Variants in EFTUD2 observed in about 807,000 individuals in gnomAD.
EFTUD2 encodes the protein 116 kDa U5 small nuclear ribonucleoprotein component.
Under a neutral mutation model 114.3 loss-of-function variants are expected in EFTUD2, and 9 were observed. The ratio of observed to expected loss-of-function variants is 0.08; its 90% CI spans 0.05 to 0.14. The LOEUF is 0.14. EFTUD2 is among the 10% of genes least tolerant of loss of function. EFTUD2 has a pLI of 1.00. For missense variants in EFTUD2, 765 were observed against 1,241.2 expected (o/e 0.62, Z 5.76); for synonymous variants, 449 against 462.3 (o/e 0.97, Z 0.37).
Position 44,854,108 on chromosome 17 carries a change from A to G in EFTUD2, c.2347+161T>C. 7.0e-7 allele frequency: 1 copy of G among 1,431,508 alleles called. No individual in the cohort carries two copies. Among genetic ancestry groups the G allele is most frequent in the East Asian group, 2.4e-5 (1 of 41,666 alleles). 88.7% of individuals were successfully genotyped at this position (1,431,508 alleles called of 1,614,324 possible). On this transcript the variant is annotated intron_variant, in intron 23 of 27. Coordinates refer to ENST00000426333, the MANE Select transcript of EFTUD2 (RefSeq NM_004247.4). The surrounding 1 kb of genome is among the most constrained non-coding windows in gnomAD (Gnocchi z 4.3). ...CATTTCCAGGCTACACCACCAGGAT[A>G]AGGAAGGAAAAGGGAAGAAGCTGGC...
At chr17:44,855,558 C>T (rs1474110691) in intron 20 of EFTUD2, among the ~76,000 whole-genome samples, 2 of 150,414 alleles carry the variant, frequency 1.3e-5, no homozygotes, top group African/African-American at 4.9e-5. Context: ...CCGTGCAAGA[C>T]TCTGTCTCAA....
Position 44,859,117 on chromosome 17 carries a change from T to C in EFTUD2, c.1925A>G (p.His642Arg). 1 of 1,614,054 alleles carries C rather than the reference T, an allele frequency of 6.2e-7. No homozygotes were observed. Among genetic ancestry groups the C allele is most frequent in the Non-Finnish European group, 8.5e-7 (1 of 1,179,924 alleles). Residue 642 changes from histidine to arginine, a missense_variant, in exon 19 of 28, where the codon CAT becomes CGT. By Grantham distance (29) the His-to-Arg change is conservative. Coordinates refer to ENST00000426333, the MANE Select transcript of EFTUD2 (RefSeq NM_004247.4). The stretch of plus-strand genomic sequence containing the variant: ...CTCTGAGTACATCTTCCGCAAATCA[T>C]GCATCACACAGTCCAGGTAGAGCTC... The part of the protein sequence containing the change: ...TGELYLDCVM[H>R]DLRKMYSEID...
chr17:44,861,512 T>C (rs2050659692), intron 16 of EFTUD2, among the ~76,000 whole-genome samples: 2 of 149,920 alleles, frequency 1.3e-5, no homozygotes, highest in Admixed American at 1.3e-4. Context: ...GGCAGGTGGA[T>C]CATGAGGTCA....
rs2050776693 is a variant in EFTUD2, at chr17:44,867,794, C to T, written c.1149+13G>A. The T allele has an allele frequency of 6.4e-7, 1 of 1,565,960 alleles. No individual in the cohort carries two copies. Among genetic ancestry groups the T allele is most frequent in the Non-Finnish European group, 8.7e-7 (1 of 1,154,382 alleles). On this transcript the variant is annotated intron_variant, in intron 13 of 27. Transcript: ENST00000426333. ...TAAGAGCAGATCTGCCCAGTGTGAC[C>T]TGACACACTCACCTGGGCGAGGATC...
At chr17:44,857,920 C>CTTTT (rs528299306) in intron 19 of EFTUD2, among the ~76,000 whole-genome samples, 4 of 127,494 alleles carry the variant, frequency 3.1e-5, no homozygotes, top group South Asian at 5.0e-4. Context: ...TTTCTTTTTC[C>CTTTT]TTTTTTTTTT....
chr17:44,883,997 T>C (rs2051119907), intron 4 of EFTUD2: 1 of 418,126 alleles, frequency 2.4e-6, no homozygotes, highest in African/African-American at 2.0e-5. Flanking sequence ...CTGGGCATGG[T>C]GGCTCATGCC....
intron 20 of EFTUD2, among the ~76,000 whole-genome samples, chr17:44,856,055 C>T (rs907229861): frequency 2.2e-5 from 3 of 137,382 alleles, no homozygotes; most frequent in South Asian, 4.8e-4. Flanking sequence ...CGCTTGAGCT[C>T]GGAAGGTTGA....
At chr17:44,852,317 C>T in intron 26 of EFTUD2, 92 bp downstream of exon 26, 2 of 1,532,578 alleles carry the variant, frequency 1.3e-6, no homozygotes, top group Non-Finnish European at 1.8e-6. Flanking sequence ...TGCTGTACAC[C>T]TCACTTAGGG....
chr17:44,857,312 AAG>A, intron 19 of EFTUD2, 155 bp from the exon 20 acceptor site: 1 of 622,526 alleles, frequency 1.6e-6, no homozygotes. Context: ...AGCAGGTTAA[AAG>A]AGCTGTCCAA....
At chr17:44,853,846 G>A in intron 23 of EFTUD2, 1 of 1,412,488 alleles carries the variant, frequency 7.1e-7, no homozygotes, top group Non-Finnish European at 9.2e-7. Context: ...GTTTGCTTCA[G>A]GCCATGCTCA....
intron 2 of EFTUD2, among the ~76,000 whole-genome samples, chr17:44,893,903 T>C (rs886289065): frequency 3.4e-5 from 5 of 148,656 alleles, no homozygotes; most frequent in Non-Finnish European, 7.4e-5. Flanking sequence ...CTGTCTCTAC[T>C]AAAAATACAA....
intron 11 of EFTUD2, among the ~76,000 whole-genome samples, chr17:44,870,911 A>T (rs1352910081): frequency 1.3e-5 from 2 of 152,048 alleles, no homozygotes; most frequent in Non-Finnish European, 2.9e-5. Flanking sequence ...CCAGCTACTC[A>T]GGAGGCTGAG....
At chr17:44,860,224 A>G (rs1192585000) in intron 17 of EFTUD2, 179 bp from the exon 18 acceptor site, 17 of 878,656 alleles carry the variant, frequency 1.9e-5, no homozygotes, top group Non-Finnish European at 1.8e-5. Context: ...CTGGCAGAAC[A>G]AAGAGAGGAG....
chr17:44,866,535 C>G (rs772339073), intron 13 of EFTUD2, among the ~76,000 whole-genome samples: 1 of 152,112 alleles, frequency 6.6e-6, no homozygotes, highest in East Asian at 1.9e-4. Context: ...TGAGCCACCA[C>G]GCCTGGCTAA....
intron 11 of EFTUD2, among the ~76,000 whole-genome samples, chr17:44,870,030 C>G (rs1459715624): frequency 6.6e-6 from 1 of 152,170 alleles, no homozygotes; most frequent in African/African-American, 2.4e-5. Flanking sequence ...TTTCTGTGAC[C>G]ATGGGCATAG....
intron 9 of EFTUD2, among the ~76,000 whole-genome samples, chr17:44,876,911 G>A (rs935767502): frequency 6.7e-6 from 1 of 148,822 alleles, no homozygotes; most frequent in Non-Finnish European, 1.5e-5. Context: ...AGAGCTGCTA[G>A]GCTAGGTGCA....
At chr17:44,896,955 G>A (rs1244347599) in intron 1 of EFTUD2, among the ~76,000 whole-genome samples, 1 of 152,074 alleles carries the variant, frequency 6.6e-6, no homozygotes, top group Non-Finnish European at 1.5e-5. Context: ...AGTGGCTCAC[G>A]CCTGTAATCC....
rs199645596 is a variant in EFTUD2, at chr17:44,881,731, A to G, written c.493-9T>C. 103 of 1,614,088 alleles carry G rather than the reference A, an allele frequency of 6.4e-5. No homozygotes were observed. The highest frequency in any genetic ancestry group is 9.9e-5 in the South Asian group (9 of 91,078). ...ATGTCAGTATAGCACAGCTGAAAAA[A>G]AATTAACTGTTGTTACCACCTGAGT... is the stretch of plus-strand genomic sequence containing the variant. On this transcript the variant is annotated splice_polypyrimidine_tract_variant and intron_variant, in intron 6 of 27. Transcript: ENST00000426333.
chr17:44,896,598 G>C (rs2145587494), intron 1 of EFTUD2, among the ~76,000 whole-genome samples: 1 of 152,324 alleles, frequency 6.6e-6, no homozygotes, highest in South Asian at 2.1e-4. Flanking sequence ...AGTGAGCTGA[G>C]ATCGCACCAC....
Sources: allele counts gnomAD v4.1 joint callset (sites outside exome capture counted in the v4.1 genomes callset), GRCh38; gene constraint gnomAD v4.1.1; non-coding constraint Gnocchi (gnomAD v3.1); transcripts MANE v1.5; gene names NCBI Gene and HGNC (gene_info 2026-07-23, HGNC 2026-07-21).